PAX2: variants seen among roughly 807,000 people sequenced by gnomAD.
PAX2 encodes the protein paired box protein Pax-2.
A neutral mutation model predicts 41.7 loss-of-function variants in PAX2; 9 were observed. That is an observed-to-expected ratio of 0.22 (90% CI 0.13 to 0.38). The LOEUF (loss-of-function observed/expected upper bound fraction) is 0.38, where lower values mean the gene tolerates loss of function less well. Ranked by LOEUF, PAX2 falls within the 10% of genes least tolerant of loss-of-function variation. PAX2 has a pLI of 1.00. For missense variants in PAX2, 418 were observed against 531.6 expected, an observed-to-expected ratio of 0.79 and a Z score of 2.10; for synonymous variants, 221 against 212.7, an observed-to-expected ratio of 1.04 and a Z score of -0.34.
intron 6 of PAX2, 33 bp from the exon 7 acceptor site, chr10:100,809,077 A>G (rs769727014): frequency 6.4e-5 from 103 of 1,608,006 alleles, no homozygotes; most frequent in Non-Finnish European, 8.3e-5. Flanking sequence ...GCGTGCATCA[A>G]TAGAGAGCTG....
At chr10:100,803,318 T>C (rs1024258058) in intron 5 of PAX2, among the ~76,000 whole-genome samples, 15 of 151,988 alleles carry the variant, frequency 9.9e-5, no homozygotes, top group Non-Finnish European at 1.6e-4. Context: ...CTGGGCTTCC[T>C]CCTTCCCTGA....
chr10:100,827,455 G>A lies in PAX2; in HGVS notation c.1109-88G>A. ...CCGGATCCCGCTGGACCCCAGCCAG[G>A]GGAGGTCTTTTCTGTGCTTTTCTTT... On this transcript the variant is annotated intron_variant, in intron 9 of 9. Coordinates refer to ENST00000355243, the MANE Select transcript of PAX2 (RefSeq NM_000278.5). This position sits in a 1 kb window ranked among gnomAD's most constrained non-coding sequence, Gnocchi z 8.5. The A allele has an allele frequency of 1.5e-6, 2 of 1,339,528 alleles. No homozygotes were observed. The highest frequency in any genetic ancestry group is 2.4e-5 in the South Asian group (2 of 85,020). The allele number at this position is 1,339,528 out of a possible 1,614,324, so 83.0% of individuals were successfully genotyped here.
At chr10:100,762,469 AT>A (rs1326290586) in intron 3 of PAX2, among the ~76,000 whole-genome samples, 1 of 152,206 alleles carries the variant, frequency 6.6e-6, no homozygotes, top group East Asian at 1.9e-4. Context: ...GCAAGGAGTC[AT>A]TTAGTGCCGT....
At chr10:100,769,674 A>T (rs899622232) in intron 3 of PAX2, among the ~76,000 whole-genome samples, 20 of 133,990 alleles carry the variant, frequency 1.5e-4, no homozygotes, top group Admixed American at 1.0e-3. Flanking sequence ...TAAAATAAAA[A>T]AATAAAAAAC....
intron 5 of PAX2, among the ~76,000 whole-genome samples, chr10:100,805,607 C>T (rs1847751661): frequency 6.6e-6 from 1 of 152,190 alleles, no homozygotes; most frequent in African/African-American, 2.4e-5. Flanking sequence ...CCTGTAGACT[C>T]AGGGGAGCAG....
chr10:100,771,500 G>C (rs1010002615), intron 3 of PAX2, among the ~76,000 whole-genome samples: 1 of 152,204 alleles, frequency 6.6e-6, no homozygotes, highest in African/African-American at 2.4e-5. Flanking sequence ...TGTTTCCTTT[G>C]TGTTTCTGTG....
At chr10:100,797,988 C>G (rs1324745795) in intron 5 of PAX2, among the ~76,000 whole-genome samples, 1 of 152,054 alleles carries the variant, frequency 6.6e-6, no homozygotes, top group Non-Finnish European at 1.5e-5. Flanking sequence ...TGTTTAGAAG[C>G]TAGGCTTGGT....
intron 5 of PAX2, among the ~76,000 whole-genome samples, chr10:100,781,772 C>A (rs1162891077): frequency 6.6e-6 from 1 of 152,186 alleles, no homozygotes; most frequent in Non-Finnish European, 1.5e-5. Context: ...TCATGTGCAG[C>A]CTAGCCTGGT....
chr10:100,759,527 A>C (rs1270829208), intron 3 of PAX2, among the ~76,000 whole-genome samples: 1 of 152,122 alleles, frequency 6.6e-6, no homozygotes, highest in Admixed American at 6.5e-5. Context: ...TGCAGATTCG[A>C]GAGCCATCTC....
At chr10:100,747,579 A>G in intron 1 of PAX2, 1 of 981,352 alleles carries the variant, frequency 1.0e-6, no homozygotes, top group Non-Finnish European at 1.2e-6. Flanking sequence ...GAAACTTTAG[A>G]CCCGGCTTGG....
chr10:100,797,392 G>A (rs1298623858), intron 5 of PAX2, among the ~76,000 whole-genome samples: 4 of 152,182 alleles, frequency 2.6e-5, no homozygotes, highest in Non-Finnish European at 4.4e-5. Flanking sequence ...TGGCTCCTCT[G>A]CCATCTGTGA....
rs80217010 is a variant in PAX2 at position 100,795,390 on chromosome 10, A to G, written c.617-11040A>G. ...TCAGAATGTGATGAATGCCGTGATCAAGGCATGAAGTCATATGATGAACGA... is the reference window on the plus strand; with the variant it reads ...TCAGAATGTGATGAATGCCGTGATCGAGGCATGAAGTCATATGATGAACGA... On this transcript the variant is annotated intron_variant, in intron 5 of 9. Coordinates refer to ENST00000355243, the MANE Select transcript of PAX2 (RefSeq NM_000278.5). Among the ~76,000 whole-genome samples the G allele has an allele frequency of 4.6e-5, 7 of 152,342 alleles. No individual in the cohort carries two copies. In the East Asian group the frequency reaches 1.4e-3, roughly 29 times the overall value.
At chr10:100,783,559 G>A (rs1027571569) in intron 5 of PAX2, among the ~76,000 whole-genome samples, 1 of 152,144 alleles carries the variant, frequency 6.6e-6, no homozygotes, top group African/African-American at 2.4e-5. Context: ...GCTTTAGCAG[G>A]GATAGAAGGC....
intron 3 of PAX2, among the ~76,000 whole-genome samples, chr10:100,769,672 AAAAAT>A (rs1274602416): frequency 3.2e-5 from 4 of 126,612 alleles, no homozygotes; most frequent in Middle Eastern, 4.0e-3. Flanking sequence ...AATAAAATAA[AAAAAT>A]AAAAAACAAA....
intron 3 of PAX2, among the ~76,000 whole-genome samples, chr10:100,768,250 A>G (rs757388401): frequency 3.2e-4 from 48 of 152,226 alleles, no homozygotes; most frequent in Non-Finnish European, 5.0e-4. Flanking sequence ...ATCTTAGATC[A>G]ATGCATTGGA....
At position 100,824,001 on chromosome 10, in the gene PAX2, A is replaced by ATT. The variant is rs1848454729; in HGVS notation, c.920-646_920-645dup. Among the ~76,000 whole-genome samples, 1 of 152,160 alleles carries ATT rather than the reference A, an allele frequency of 6.6e-6. No homozygotes were observed. The highest frequency in any genetic ancestry group is 1.5e-5 in the Non-Finnish European group (1 of 68,038). ...TTGCACTTTTGGCTCAAAGCTCCTG[A>ATT]TTCACTTCAGGGTGGTTTTCTATCA... On this transcript the variant is annotated intron_variant, in intron 7 of 9. Coordinates refer to ENST00000355243, the MANE Select transcript of PAX2 (RefSeq NM_000278.5). This position sits in a 1 kb window ranked among gnomAD's most constrained non-coding sequence, Gnocchi z 6.6.
Position 100,748,709 on chromosome 10 carries a change from C to T in PAX2, c.44-1037C>T, listed in dbSNP as rs1015829094. On this transcript the variant is annotated intron_variant, in intron 1 of 9. Transcript: ENST00000355243. The surrounding 1 kb of genome is among the most constrained non-coding windows in gnomAD (Gnocchi z 5.0). ...CGCCTCGGTTCCGAGATCGGGAGCC[C>T]GCGCTGGAGCCGGGTTGGAAACCCC... 1 of 985,376 alleles carries T rather than the reference C, an allele frequency of 1.0e-6. No individual in the cohort carries two copies. The highest frequency in any genetic ancestry group is 1.2e-6 in the Non-Finnish European group (1 of 829,994). The allele number at this position is 985,376 out of a possible 1,614,324, so 61.0% of individuals were successfully genotyped here. A position where few individuals can be genotyped will look rare whatever the true frequency, so the allele number is the denominator to read the frequency against.
intron 5 of PAX2, among the ~76,000 whole-genome samples, chr10:100,786,666 A>G (rs1433608120): frequency 6.6e-6 from 1 of 152,122 alleles, no homozygotes; most frequent in Non-Finnish European, 1.5e-5. Context: ...GCCAGGCCTC[A>G]GTGTGTTGAG....
chr10:100,749,818 A>G lies in PAX2; in HGVS notation c.116A>G (p.Gln39Arg). The G allele has an allele frequency of 6.2e-7, 1 of 1,611,724 alleles. No homozygotes were observed. The highest frequency in any genetic ancestry group is 8.5e-7 in the Non-Finnish European group (1 of 1,178,860). ...CGGCCCCTACCCGACGTGGTGAGGCAGCGCATCGTGGAGCTGGCCCACCAG... is the reference window on the plus strand; with the variant it reads ...CGGCCCCTACCCGACGTGGTGAGGCGGCGCATCGTGGAGCTGGCCCACCAG... ...NGRPLPDVVR[Q>R]RIVELAHQGV... The change falls in exon 2 of 10, where the codon CAG (glutamine) becomes CGG (arginine). Residue 39 changes from glutamine to arginine, a missense_variant. Physicochemically the swap from Gln to Arg is conservative, Grantham distance 43 (BLOSUM62 1). This residue lies in a region of PAX2 where 108 missense variants were observed against 206.3 expected (regional missense o/e 0.52). Transcript: ENST00000355243.
Sources: allele counts gnomAD v4.1 joint callset (sites outside exome capture counted in the v4.1 genomes callset), GRCh38; gene constraint gnomAD v4.1.1; regional missense constraint gnomAD v4.1.1; non-coding constraint Gnocchi (gnomAD v3.1); transcripts MANE v1.5; gene names NCBI Gene and HGNC (gene_info 2026-07-23, HGNC 2026-07-21).